SAMD4A: variants seen among roughly 807,000 people sequenced by gnomAD.
SAMD4A encodes the protein protein Smaug homolog 1.
SAMD4A carries 33 observed loss-of-function variants against 81.3 expected under a neutral mutation model. The observed-to-expected ratio is 0.41, with a 90% CI of 0.31 to 0.54. The LOEUF (loss-of-function observed/expected upper bound fraction) is 0.54. SAMD4A is among the 20% of genes least tolerant of loss of function. The pLI, the probability that SAMD4A is intolerant of heterozygous loss-of-function variation, is 0.37. For synonymous variants in SAMD4A, 389 were observed against 382.1 expected (o/e 1.02, Z -0.21); for missense variants, 854 against 951.1 (o/e 0.90, Z 1.34).
intron 2 of SAMD4A, among the ~76,000 whole-genome samples, chr14:54,645,536 T>A (rs1049078751): frequency 5.3e-5 from 8 of 152,352 alleles, no homozygotes; most frequent in African/African-American, 1.4e-4. Flanking sequence ...CCTGTTTTTT[T>A]AAAAAGCATA....
chr14:54,774,228 G>T lies in SAMD4A; in HGVS notation c.1716-706G>T, dbSNP rs897735715. Among the ~76,000 whole-genome samples, 73 of 152,338 alleles carry T rather than the reference G, an allele frequency of 4.8e-4. 1 individual carries two copies. Among genetic ancestry groups the T allele is most frequent in the African/African-American group, 1.7e-3 (72 of 41,570 alleles). ...TGTGACCTGTGCACAAGGATTACGC[G>T]CTGTTTTACTTCTCCAGCTACAAAG... On this transcript the variant is annotated intron_variant, in intron 9 of 12. Transcript: ENST00000554335.
At chr14:54,589,422 A>AT (rs746281095) in intron 2 of SAMD4A, among the ~76,000 whole-genome samples, 7 of 151,908 alleles carry the variant, frequency 4.6e-5, no homozygotes, top group Non-Finnish European at 7.4e-5. Context: ...TTCCATGTTG[A>AT]TTTTTTTTGG....
At chr14:54,659,082 C>G (rs1372697731) in intron 2 of SAMD4A, among the ~76,000 whole-genome samples, 1 of 152,210 alleles carries the variant, frequency 6.6e-6, no homozygotes, top group Admixed American at 6.5e-5. Context: ...ATAGACAAAA[C>G]CTGGAATCCA....
chr14:54,586,083 C>A (rs534775558), intron 2 of SAMD4A, among the ~76,000 whole-genome samples: 2 of 152,232 alleles, frequency 1.3e-5, no homozygotes, highest in African/African-American at 4.8e-5. Flanking sequence ...CTTTTCACCA[C>A]ATCCCCGCCA....
chr14:54,694,380 A>G (rs75942336), intron 2 of SAMD4A: 2,732 of 152,952 alleles, frequency 0.018, 39 homozygotes, highest in South Asian at 0.063. Flanking sequence ...TATGAGAGAA[A>G]GGAGTCAAGG....
At chr14:54,615,250 C>T (rs866489238) in intron 2 of SAMD4A, among the ~76,000 whole-genome samples, 5 of 152,210 alleles carry the variant, frequency 3.3e-5, no homozygotes, top group Admixed American at 1.3e-4. Flanking sequence ...CAGCAAACCT[C>T]TTAAAGTAAG....
chr14:54,708,023 A>G (rs968432645), intron 3 of SAMD4A, among the ~76,000 whole-genome samples: 3 of 152,212 alleles, frequency 2.0e-5, no homozygotes, highest in Non-Finnish European at 4.4e-5. Flanking sequence ...ACATGATCCA[A>G]CTCACATTTT....
chr14:54,606,208 T>C (rs61975126), intron 2 of SAMD4A, among the ~76,000 whole-genome samples: 10,456 of 148,602 alleles, frequency 0.07, 450 homozygotes, highest in Middle Eastern at 0.15. Flanking sequence ...TGTGTGTGTG[T>C]GTGTGCGTGC....
chr14:54,697,058 C>G (rs913526882), intron 2 of SAMD4A: 1 of 152,186 alleles, frequency 6.6e-6, no homozygotes, highest in African/African-American at 2.4e-5. Context: ...AAATGCAAAT[C>G]TCAGCAAAGA....
chr14:54,565,749 G>A (rs2032909824), upstream of SAMD4A, among the ~76,000 whole-genome samples: 1 of 151,896 alleles, frequency 6.6e-6, no homozygotes, highest in African/African-American at 2.4e-5. This position sits in a 1 kb window ranked among gnomAD's most constrained non-coding sequence, Gnocchi z 5.4. Context: ...CCTTTCTGCC[G>A]GGGCTCCAGT....
chr14:54,785,492 G>T lies in SAMD4A; in HGVS notation c.2128+872G>T, dbSNP rs2039115958. 2.0e-5 allele frequency among the ~76,000 whole-genome samples: 3 copies of T among 152,308 alleles called. No homozygotes were observed. In the South Asian group the frequency reaches 6.2e-4, roughly 32 times the overall value. On this transcript the variant is annotated intron_variant, in intron 12 of 12. Transcript: ENST00000554335. ...CTCTGTGCCACAGAGACACAGAGAG[G>T]CCTCCTGTGAGCCTTTCCAATAGCC...
intron 2 of SAMD4A, among the ~76,000 whole-genome samples, chr14:54,680,539 T>A (rs2036102565): frequency 6.6e-6 from 1 of 152,248 alleles, no homozygotes. Flanking sequence ...TTGAAGTTAC[T>A]TAAGTTTGGC....
At chr14:54,688,309 C>T in intron 2 of SAMD4A, 2 of 985,510 alleles carry the variant, frequency 2.0e-6, no homozygotes, top group South Asian at 9.4e-5. Flanking sequence ...AGGTAACGTA[C>T]TGGCTCTCAC....
At chr14:54,621,783 T>G (rs539614804) in intron 2 of SAMD4A, among the ~76,000 whole-genome samples, 2 of 152,234 alleles carry the variant, frequency 1.3e-5, no homozygotes, top group African/African-American at 4.8e-5. Context: ...ATTGATGCTT[T>G]CTTATGCATT....
chr14:54,614,455 G>C (rs1035259863), intron 2 of SAMD4A, among the ~76,000 whole-genome samples: 1 of 152,092 alleles, frequency 6.6e-6, no homozygotes, highest in African/African-American at 2.4e-5. Context: ...CATTTGTTTG[G>C]ATACTGGAAA....
At chr14:54,705,230 T>C (rs2036822967) in intron 3 of SAMD4A, among the ~76,000 whole-genome samples, 1 of 152,172 alleles carries the variant, frequency 6.6e-6, no homozygotes, top group African/African-American at 2.4e-5. Flanking sequence ...AGGAGCTAAG[T>C]GTTAACACTG....
chr14:54,673,317 A>C (rs1303588100), intron 2 of SAMD4A, among the ~76,000 whole-genome samples: 1 of 152,230 alleles, frequency 6.6e-6, no homozygotes, highest in Non-Finnish European at 1.5e-5. Context: ...TTAATATATT[A>C]TGTAAGAAAG....
intron 2 of SAMD4A, among the ~76,000 whole-genome samples, chr14:54,692,529 T>C (rs1330152963): frequency 2.0e-5 from 3 of 152,114 alleles, no homozygotes; most frequent in East Asian, 3.9e-4. Flanking sequence ...TAAATCTAAG[T>C]GTAGAAGCAG....
At chr14:54,586,941 A>AT (rs901059577) in intron 2 of SAMD4A, among the ~76,000 whole-genome samples, 3 of 151,150 alleles carry the variant, frequency 2.0e-5, no homozygotes, top group South Asian at 2.1e-4. Context: ...GAATTTTTGG[A>AT]TTTTTTTTCT....
Sources: gnomAD v4.1 joint callset for allele counts (sites outside exome capture counted in the v4.1 genomes callset) on GRCh38, gnomAD v4.1.1 for gene constraint, Gnocchi (gnomAD v3.1) non-coding constraint, MANE v1.5 for transcripts, NCBI Gene and HGNC (gene_info 2026-07-23, HGNC 2026-07-21) for gene names.